GYG2: variants seen among roughly 807,000 people sequenced by gnomAD.
GYG2 encodes the protein glycogenin-2.
A neutral mutation model predicts 29.4 loss-of-function variants in GYG2; 29 were observed. The observed-to-expected ratio is 0.99, with a 90% CI of 0.74 to 1.35. The LOEUF is 1.35. Among genes scored for constraint, GYG2 ranks in the 40% most tolerant of loss-of-function variants. The probability of loss-of-function intolerance (pLI) is 0.00; values close to 1 mark genes in which losing one functional copy is unlikely to be tolerated. For missense variants in GYG2, 370 were observed against 385.7 expected, an observed-to-expected ratio of 0.96 and a Z score of 0.34; for synonymous variants, 167 against 172.3, an observed-to-expected ratio of 0.97 and a Z score of 0.24.
At chrX:2,872,689 G>A (rs750463494) in intron 8 of GYG2, among the ~76,000 whole-genome samples, 13 of 112,213 alleles carry the variant, frequency 1.2e-4, no homozygotes, top group Non-Finnish European at 1.9e-4. Flanking sequence ...GAAATTAGAT[G>A]ACAGAAACAG....
At chrX:2,851,393 G>A (rs1025664708) in intron 3 of GYG2, among the ~76,000 whole-genome samples, 1 of 111,201 alleles carries the variant, frequency 9.0e-6, no homozygotes, top group African/African-American at 3.3e-5. Context: ...TTAGTTTCCC[G>A]CCACCGCACC....
chrX:2,840,326 CT>C (rs2087466156), intron 2 of GYG2, among the ~76,000 whole-genome samples: 1 of 111,413 alleles, frequency 9.0e-6, no homozygotes, highest in South Asian at 3.8e-4. Context: ...GTACCTTTAC[CT>C]TGGCCAGCTC....
rs1351880018 is a variant in GYG2, at chrX:2,861,603, G to A, written c.919G>A (p.Ala307Thr). ...GCCGTGTGAAAATTCAACACCCAGT[G>A]CGGGCGTGCCGTGTGCAAATTCACC... ...GEPCENSTPS[A>T]GVPCANSPLG... The change falls in exon 8 of 11, where the codon GCG (alanine) becomes ACG (threonine). Residue 307 changes from alanine (A) to threonine (T), a missense_variant. Ala to Thr is a moderately conservative substitution (Grantham distance 58, BLOSUM62 0). Coordinates refer to ENST00000398806, the MANE Select transcript of GYG2 (RefSeq NM_001079855.2). The A allele has an allele frequency of 5.0e-6, 6 of 1,207,253 alleles. No homozygotes were observed. The highest frequency in any genetic ancestry group is 6.7e-6 in the Non-Finnish European group (6 of 892,108).
chrX:2,835,360 C>T (rs1169523896), intron 2 of GYG2, among the ~76,000 whole-genome samples: 2 of 111,583 alleles, frequency 1.8e-5, no homozygotes, highest in Non-Finnish European at 3.8e-5. Context: ...TGAGGCATGT[C>T]TGACCCTCTC....
At chrX:2,829,963 C>T in intron 1 of GYG2, 98 bp from the exon 2 acceptor site, 1 of 413,019 alleles carries the variant, frequency 2.4e-6, no homozygotes, top group South Asian at 3.7e-5. Flanking sequence ...GCAGGGGCCC[C>T]GTGGGGCGCA....
chrX:2,866,544 T>C (rs148153659), intron 8 of GYG2, among the ~76,000 whole-genome samples: 271 of 110,885 alleles, frequency 2.4e-3, no homozygotes, highest in Middle Eastern at 0.014. Context: ...AAGGAGAAGA[T>C]AGGGAGAGAT....
chrX:2,878,546 A>T (rs186718950), intron 10 of GYG2, among the ~76,000 whole-genome samples: 58 of 111,939 alleles, frequency 5.2e-4, no homozygotes, highest in Non-Finnish European at 9.2e-4. Flanking sequence ...CTGGGATTAC[A>T]GGCATGAGCC....
chrX:2,847,410 C>T (rs990061860), intron 3 of GYG2, among the ~76,000 whole-genome samples: 10 of 109,100 alleles, frequency 9.2e-5, no homozygotes, highest in African/African-American at 2.0e-4. Context: ...AATTCCAGGC[C>T]GGCCACGGTG....
chrX:2,878,901 A>AAG (rs2088657303), intron 10 of GYG2, among the ~76,000 whole-genome samples: 1 of 112,156 alleles, frequency 8.9e-6, no homozygotes, highest in Non-Finnish European at 1.9e-5. Context: ...CTTGAAAACT[A>AAG]GTATAAGGTT....
At chrX:2,838,145 T>C (rs1280049723) in intron 2 of GYG2, among the ~76,000 whole-genome samples, 1 of 111,854 alleles carries the variant, frequency 8.9e-6, no homozygotes, top group Non-Finnish European at 1.9e-5. Context: ...GATGTGCTAA[T>C]TGGCCTGGGT....
At chrX:2,849,958 A>AT (rs2087831698) in intron 3 of GYG2, among the ~76,000 whole-genome samples, 1 of 110,462 alleles carries the variant, frequency 9.1e-6, no homozygotes, top group Admixed American at 9.8e-5. Flanking sequence ...CTACTAAAAA[A>AT]TTTTTAAAAA....
rs73632939 is a variant in GYG2 at position 2,837,268 on chromosome X, G to A, written c.8-5945G>A. On this transcript the variant is annotated intron_variant, in intron 2 of 10. Transcript: ENST00000398806. ...TTCTTCTTCTCTGCTCCTTAAGAGC[G>A]CAGGTCAGTAAGTGGGGTTGGAAAC... Among the ~76,000 whole-genome samples the A allele has an allele frequency of 5.6e-3, 627 of 112,068 alleles. 3 individuals are homozygous for A. Among genetic ancestry groups the A allele is most frequent in the African/African-American group, 0.019 (596 of 30,856 alleles).
intron 9 of GYG2, 118 bp downstream of exon 9, chrX:2,876,032 C>CTTTT (rs1569075859): frequency 1.2e-5 from 3 of 241,104 alleles, no homozygotes; most frequent in African/African-American, 9.6e-5. Context: ...AAAATTCCTC[C>CTTTT]CTTTTTTTTT....
At chrX:2,845,029 TTATATACACATGTGTATGTA>T (rs774675286) in intron 3 of GYG2, among the ~76,000 whole-genome samples, 11,013 of 87,723 alleles carry the variant, frequency 0.13, 1,024 homozygotes, top group East Asian at 0.2. Context: ...GTATGTATAT[TTATATACACATGTGTATGTA>T]TATATACACG....
At chrX:2,831,631 G>C (rs187400688) in intron 2 of GYG2, among the ~76,000 whole-genome samples, 146 of 111,782 alleles carry the variant, frequency 1.3e-3, no homozygotes, top group African/African-American at 4.5e-3. Flanking sequence ...AGCCTGCTAG[G>C]GTCTGTATAA....
At chrX:2,847,647 A>G (rs1036289234) in intron 3 of GYG2, among the ~76,000 whole-genome samples, 6 of 108,434 alleles carry the variant, frequency 5.5e-5, no homozygotes, top group African/African-American at 1.3e-4. Context: ...TAAGGTTGCA[A>G]TGAGCCGAGA....
chrX:2,849,043 C>T (rs1223213263), intron 3 of GYG2, among the ~76,000 whole-genome samples: 5 of 110,985 alleles, frequency 4.5e-5, no homozygotes, highest in Non-Finnish European at 7.6e-5. Context: ...GTGGTACAAG[C>T]GTGTTATGGA....
chrX:2,878,298 A>G, intron 10 of GYG2: 1 of 389,986 alleles, frequency 2.6e-6, no homozygotes, highest in East Asian at 2.0e-4. Flanking sequence ...TATTATTATT[A>G]TTATTATTTA....
At chrX:2,829,786 C>T (rs760996978) in intron 1 of GYG2, among the ~76,000 whole-genome samples, 39 of 107,417 alleles carry the variant, frequency 3.6e-4, no homozygotes, top group African/African-American at 1.3e-3. Context: ...GGTGGTGTCC[C>T]GGGGGCGTTG....
Sources: allele counts gnomAD v4.1 joint callset (sites outside exome capture counted in the v4.1 genomes callset), GRCh38; gene constraint gnomAD v4.1.1; transcripts MANE v1.5; gene names NCBI Gene and HGNC (gene_info 2026-07-23, HGNC 2026-07-21).